PHKA1: variants seen among roughly 807,000 people sequenced by gnomAD.
PHKA1 encodes phosphorylase kinase regulatory subunit alpha 1.
In PHKA1, 60 loss-of-function variants were observed where a neutral mutation model predicts 110.2. The ratio of observed to expected loss-of-function variants is 0.54; its 90% CI spans 0.44 to 0.68. PHKA1 has a LOEUF of 0.68. Among genes scored for constraint, PHKA1 ranks in the 30% least tolerant of loss-of-function variants. The pLI is 0.00. For missense variants in PHKA1, 801 were observed against 942.5 expected (o/e 0.85, Z 1.97); for synonymous variants, 316 against 333.6 (o/e 0.95, Z 0.58).
intron 10 of PHKA1, among the ~76,000 whole-genome samples, chrX:72,654,382 C>A (rs1223782372): frequency 8.9e-6 from 1 of 112,229 alleles, no homozygotes; most frequent in Non-Finnish European, 1.9e-5. Context: ...GGATATGCAA[C>A]CACATGCCTT....
At chrX:72,605,708 C>G (rs1444797032) in intron 23 of PHKA1, 89 bp from the exon 24 acceptor site, 2 of 649,637 alleles carry the variant, frequency 3.1e-6, no homozygotes, top group African/African-American at 4.3e-5. Flanking sequence ...TATCCAAGTC[C>G]AAGTCACTGC....
intron 10 of PHKA1, among the ~76,000 whole-genome samples, chrX:72,653,925 T>C (rs782104189): frequency 6.0e-4 from 67 of 111,056 alleles, no homozygotes; most frequent in Non-Finnish European, 1.1e-3. Context: ...TGAGGATGTA[T>C]TGTCTTAAAA....
chrX:72,601,532 G>A (rs2052657288), intron 28 of PHKA1, among the ~76,000 whole-genome samples: 1 of 110,911 alleles, frequency 9.0e-6, no homozygotes, highest in Non-Finnish European at 1.9e-5. Context: ...AAGATGAGGA[G>A]CCTGATCAGA....
At chrX:72,694,123 T>C (rs782072132) in intron 4 of PHKA1, among the ~76,000 whole-genome samples, 1 of 112,303 alleles carries the variant, frequency 8.9e-6, no homozygotes, top group South Asian at 3.7e-4. Context: ...AGGTGGAGAT[T>C]TGTGTATTCA....
chrX:72,622,638 T>A (rs1269186408), intron 18 of PHKA1: 1 of 751,458 alleles, frequency 1.3e-6, no homozygotes, highest in Admixed American at 8.8e-5. Flanking sequence ...ATAACAGACA[T>A]ACTGAATAGG....
chrX:72,680,365 G>A (rs181563470), intron 5 of PHKA1, among the ~76,000 whole-genome samples: 236 of 112,082 alleles, frequency 2.1e-3, no homozygotes, highest in Middle Eastern at 0.014. Flanking sequence ...TTCATGTAGC[G>A]GAACAAACAT....
chrX:72,697,286 T>C (rs782527253), intron 3 of PHKA1: 2 of 112,066 alleles, frequency 1.8e-5, no homozygotes, highest in Non-Finnish European at 3.8e-5. Context: ...TAAATTCTGC[T>C]TACACTTAGA....
At chrX:72,639,224 G>A (rs1556293647) in intron 14 of PHKA1, among the ~76,000 whole-genome samples, 5 of 111,953 alleles carry the variant, frequency 4.5e-5, no homozygotes, top group Non-Finnish European at 9.4e-5. Context: ...TTGTGTACTT[G>A]TACGAATGTT....
In PHKA1 at chrX:72,704,666, C is replaced by T. The variant is rs782685719; in HGVS notation, c.285+532G>A. 2.7e-3 allele frequency among the ~76,000 whole-genome samples: 298 copies of T among 111,241 alleles called. 1 individual carries two copies. Among genetic ancestry groups the T allele is most frequent in the African/African-American group, 9.6e-3 (293 of 30,580 alleles). ...TGGCACCATCTTGGCTCACTGCAGC[C>T]TTGACCTCCCAGGCTCAAGTGATCC... On this transcript the variant is annotated intron_variant, in intron 3 of 31. Transcript: ENST00000373542.
At chrX:72,690,071 T>A (rs1312315668) in intron 4 of PHKA1, among the ~76,000 whole-genome samples, 8 of 112,170 alleles carry the variant, frequency 7.1e-5, no homozygotes, top group Non-Finnish European at 1.5e-4. Context: ...TTATCTTTTA[T>A]ATTAAGTTCT....
At chrX:72,652,910 T>C (rs1158094167) in intron 11 of PHKA1, among the ~76,000 whole-genome samples, 1 of 111,249 alleles carries the variant, frequency 9.0e-6, no homozygotes, top group African/African-American at 3.3e-5. Context: ...TCTAACAAGC[T>C]CTCAGGTGGT....
chrX:72,710,550 G>T (rs1358970464), intron 2 of PHKA1, among the ~76,000 whole-genome samples: 8 of 111,776 alleles, frequency 7.2e-5, no homozygotes, highest in Admixed American at 2.8e-4. Flanking sequence ...CACTGAATCA[G>T]GTTTGAGAAA....
chrX:72,670,619 A>G (rs2053680922), intron 6 of PHKA1, among the ~76,000 whole-genome samples: 1 of 111,801 alleles, frequency 8.9e-6, no homozygotes, highest in Non-Finnish European at 1.9e-5. Context: ...AAAGCCTGGC[A>G]GAGACACAAC....
At chrX:72,645,576 A>G (rs782077273) in intron 13 of PHKA1, among the ~76,000 whole-genome samples, 4 of 112,050 alleles carry the variant, frequency 3.6e-5, no homozygotes, top group Non-Finnish European at 7.5e-5. Flanking sequence ...AATAAAAGAG[A>G]TTCTTCAGGG....
Position 72,578,941 on chromosome X carries a change from G to C in PHKA1, c.*2061C>G, listed in dbSNP as rs1467365667. 3 of 111,939 alleles carry C rather than the reference G, an allele frequency of 2.7e-5. No homozygotes were observed. Among genetic ancestry groups the C allele is most frequent in the Non-Finnish European group, 5.6e-5 (3 of 53,215 alleles). 9.2% of individuals were successfully genotyped at this position (111,939 alleles called of 1,213,427 possible). On this transcript the variant is annotated 3_prime_UTR_variant, in exon 32 of 32. Coordinates refer to ENST00000373542, the MANE Select transcript of PHKA1 (RefSeq NM_002637.4). ...CTTTTTAGTACCACACACTTAAAAT[G>C]AACAAAAAACAAGTCGAGTTTTCTT... is the stretch of plus-strand genomic sequence containing the variant.
rs925365380 is a variant in PHKA1 at position 72,578,849 on chromosome X, T to C, written c.*2153A>G. The C allele has an allele frequency of 5.4e-5, 6 of 111,744 alleles. No individual in the cohort carries two copies. The highest frequency in any genetic ancestry group is 1.9e-4 in the African/African-American group (6 of 30,795). 9.2% of individuals were successfully genotyped at this position (111,744 alleles called of 1,213,427 possible). ...CACATTGGCACCAGACATGATTTAA[T>C]TGGAAATTCTTATTATTTATTCTAT... On this transcript the variant is annotated 3_prime_UTR_variant, in exon 32 of 32. Coordinates refer to ENST00000373542, the MANE Select transcript of PHKA1 (RefSeq NM_002637.4).
intron 16 of PHKA1, among the ~76,000 whole-genome samples, chrX:72,627,741 C>T (rs781949578): frequency 8.2e-5 from 9 of 110,173 alleles, no homozygotes; most frequent in Non-Finnish European, 1.5e-4. Flanking sequence ...ACAGAGACTG[C>T]CAAATTACCC....
At chrX:72,666,718 A>G (rs782772768) in intron 7 of PHKA1, among the ~76,000 whole-genome samples, 1 of 111,956 alleles carries the variant, frequency 8.9e-6, no homozygotes, top group South Asian at 3.8e-4. Context: ...AAGAGAAAAC[A>G]CAGCTGCTAA....
chrX:72,620,368 C>T (rs1406359540), intron 19 of PHKA1, among the ~76,000 whole-genome samples: 2 of 111,862 alleles, frequency 1.8e-5, no homozygotes, highest in South Asian at 3.8e-4. Context: ...AACAGCTCTA[C>T]ATTGCTGGAA....
Sources: gnomAD v4.1 joint callset for allele counts (sites outside exome capture counted in the v4.1 genomes callset) on GRCh38, gnomAD v4.1.1 for gene constraint, MANE v1.5 for transcripts, NCBI Gene and HGNC (gene_info 2026-07-23, HGNC 2026-07-21) for gene names.